Variants in C8A observed in about 807,000 individuals in gnomAD.
The protein encoded by C8A is complement C8 alpha chain.
In C8A, 67 loss-of-function variants were observed where a neutral mutation model predicts 65.3. The observed-to-expected ratio is 1.03, with a 90% CI of 0.84 to 1.26. The LOEUF is 1.26. Among genes scored for constraint, C8A ranks in the 50% most tolerant of loss-of-function variants. C8A has a pLI of 0.00. For synonymous variants in C8A, 290 were observed against 259.4 expected, an observed-to-expected ratio of 1.12 and a Z score of -1.13; for missense variants, 781 against 723.9, an observed-to-expected ratio of 1.08 and a Z score of -0.90.
intron 7 of C8A, among the ~76,000 whole-genome samples, chr1:56,895,062 A>G (rs1201386386): frequency 6.6e-6 from 1 of 152,182 alleles, no homozygotes; most frequent in Non-Finnish European, 1.5e-5. Context: ...CCCCAGTTTT[A>G]TAGAAAGAAA....
chr1:56,905,160 G>A (rs1644453996), intron 7 of C8A, among the ~76,000 whole-genome samples: 1 of 152,216 alleles, frequency 6.6e-6, no homozygotes, highest in Non-Finnish European at 1.5e-5. Context: ...CCTTTGCTCA[G>A]TGCTGAGTGC....
At chr1:56,857,758 G>A (rs1322318469) in intron 1 of C8A, among the ~76,000 whole-genome samples, 1 of 151,638 alleles carries the variant, frequency 6.6e-6, no homozygotes, top group Non-Finnish European at 1.5e-5. Context: ...CTAATTCCAA[G>A]GTGGTATGGT....
intron 7 of C8A, among the ~76,000 whole-genome samples, chr1:56,888,936 A>T (rs1237063558): frequency 6.6e-6 from 1 of 151,574 alleles, no homozygotes; most frequent in East Asian, 1.9e-4. Flanking sequence ...AGAGCCCTGG[A>T]CCTCTAGTCT....
rs371973694 is a variant in C8A at position 56,883,669 on chromosome 1, G to A, written c.843G>A (p.Lys281=). 6.2e-7 allele frequency: 1 copy of A among 1,613,164 alleles called. No individual in the cohort carries two copies. The highest frequency in any genetic ancestry group is 1.3e-5 in the African/African-American group (1 of 75,018). The change falls in exon 6 of 11, where the codon AAG becomes AAA. Residue 281 remains lysine, a synonymous_variant. Transcript: ENST00000361249. ...QDTSFLNELN[K]YNEKKFIFTR... ...CTTCATTCTTGAACGAATTAAACAAGTATAATGAGAAGGTATTCAAACATA... is the reference window on the plus strand; with the variant it reads ...CTTCATTCTTGAACGAATTAAACAAATATAATGAGAAGGTATTCAAACATA...
intron 7 of C8A, among the ~76,000 whole-genome samples, chr1:56,888,145 A>G (rs2101253386): frequency 6.6e-6 from 1 of 152,202 alleles, no homozygotes; most frequent in South Asian, 2.1e-4. Flanking sequence ...AAAATTTCCA[A>G]ATGTTAGTAT....
In C8A at chr1:56,874,261, C is replaced by T. The variant is rs894637136; in HGVS notation, c.172-688C>T. On this transcript the variant is annotated intron_variant, in intron 2 of 10. Coordinates refer to ENST00000361249, the MANE Select transcript of C8A (RefSeq NM_000562.3). ...TGAAGCAATGATTACAACAACTAGG[C>T]AGATGTGATGCTTTGGTGAACCAGG... Among the ~76,000 whole-genome samples the T allele has an allele frequency of 2.6e-5, 4 of 152,156 alleles. No individual in the cohort carries two copies. The East Asian group carries it at 7.7e-4, about 29-fold the overall frequency.
chr1:56,863,892 T>G (rs1644058978), intron 1 of C8A, among the ~76,000 whole-genome samples: 1 of 132,582 alleles, frequency 7.5e-6, no homozygotes, highest in Admixed American at 8.0e-5. Flanking sequence ...TCTCCCTTCC[T>G]TCCTTCCTTC....
At chr1:56,916,489 C>T (rs1055616814) in intron 10 of C8A, among the ~76,000 whole-genome samples, 11 of 152,178 alleles carry the variant, frequency 7.2e-5, no homozygotes, top group African/African-American at 1.9e-4. Context: ...GACAGAGAGC[C>T]TTGCTGTGGC....
chr1:56,860,529 G>A (rs375447400), intron 1 of C8A, among the ~76,000 whole-genome samples: 1 of 152,174 alleles, frequency 6.6e-6, no homozygotes, highest in Admixed American at 6.5e-5. Context: ...TGATTGCTGT[G>A]CAGAGAATGG....
At chr1:56,912,288 C>T in intron 9 of C8A, 115 bp from the exon 10 acceptor site, 1 of 872,248 alleles carries the variant, frequency 1.1e-6, no homozygotes, top group Non-Finnish European at 1.9e-6. Context: ...AATTGGGTGT[C>T]TGTGTCTGTG....
chr1:56,870,002 A>G (rs772451799), intron 2 of C8A, among the ~76,000 whole-genome samples: 2 of 152,162 alleles, frequency 1.3e-5, no homozygotes, highest in South Asian at 2.1e-4. Flanking sequence ...TCAAAGCCTG[A>G]AATTTGTTAT....
chr1:56,867,576 C>T, intron 1 of C8A, 33 bp from the exon 2 acceptor site: 7 of 1,526,074 alleles, frequency 4.6e-6, no homozygotes, highest in Non-Finnish European at 6.4e-6. Context: ...TTTTGCATCT[C>T]AAAATTGATG....
chr1:56,857,303 T>TAC (rs71048450), intron 1 of C8A, among the ~76,000 whole-genome samples: 55,753 of 148,726 alleles, frequency 0.37, 10,270 homozygotes, highest in South Asian at 0.47. Context: ...TGTTATTAAA[T>TAC]ACACACACAC....
chr1:56,883,168 C>G (rs1644261156), intron 5 of C8A, among the ~76,000 whole-genome samples: 1 of 151,884 alleles, frequency 6.6e-6, no homozygotes, highest in Non-Finnish European at 1.5e-5. Flanking sequence ...GATAAGCCAG[C>G]AAGAAAGAAA....
At chr1:56,877,870 G>A (rs758339016) in intron 4 of C8A, among the ~76,000 whole-genome samples, 37 of 152,204 alleles carry the variant, frequency 2.4e-4, no homozygotes, top group Middle Eastern at 3.4e-3. Context: ...CCTACTTGAT[G>A]GAATTGAACT....
chr1:56,869,250 A>G lies in C8A; in HGVS notation c.171+1548A>G, dbSNP rs552463187. ...CATCCTCATAGCTTAGCTCCCACTT[A>G]TAAGTGAGAAGATGTGATACTTGGT... On this transcript the variant is annotated intron_variant, in intron 2 of 10. Coordinates refer to ENST00000361249, the MANE Select transcript of C8A (RefSeq NM_000562.3). 2.0e-5 allele frequency among the ~76,000 whole-genome samples: 3 copies of G among 152,252 alleles called. No individual in the cohort carries two copies. The South Asian group carries it at 6.2e-4, about 32-fold the overall frequency.
intron 3 of C8A, among the ~76,000 whole-genome samples, chr1:56,875,629 C>T (rs1411295348): frequency 2.0e-5 from 3 of 152,044 alleles, no homozygotes; most frequent in Non-Finnish European, 2.9e-5. Context: ...AAAGAACATG[C>T]AAAAGCATGG....
intron 7 of C8A, among the ~76,000 whole-genome samples, chr1:56,899,315 C>T (rs1369905648): frequency 6.6e-6 from 1 of 152,218 alleles, no homozygotes; most frequent in African/African-American, 2.4e-5. Context: ...CCTTAGCTCT[C>T]TTTCCCATAG....
intron 7 of C8A, among the ~76,000 whole-genome samples, chr1:56,892,710 T>C (rs1644357314): frequency 6.6e-6 from 1 of 152,098 alleles, no homozygotes; most frequent in Non-Finnish European, 1.5e-5. Context: ...ATAAATGCCT[T>C]TGGAACAAAG....
Sources: gnomAD v4.1 joint callset for allele counts (sites outside exome capture counted in the v4.1 genomes callset) on GRCh38, gnomAD v4.1.1 for gene constraint, MANE v1.5 for transcripts, NCBI Gene and HGNC (gene_info 2026-07-23, HGNC 2026-07-21) for gene names.